Variants in SLC9A6 observed in about 807,000 individuals in gnomAD.
SLC9A6 encodes solute carrier family 9 member A6.
Under a neutral mutation model 45.3 loss-of-function variants are expected in SLC9A6, and 6 were observed. The observed-to-expected ratio is 0.13, with a 90% CI of 0.07 to 0.26. The LOEUF (loss-of-function observed/expected upper bound fraction) is 0.26, where lower values mean the gene tolerates loss of function less well. Among genes scored for constraint, SLC9A6 ranks in the 10% least tolerant of loss-of-function variants. SLC9A6 has a pLI of 1.00. For missense variants in SLC9A6, 278 were observed against 503.7 expected (o/e 0.55, Z 4.29); for synonymous variants, 191 against 187.7 (o/e 1.02, Z -0.14).
chrX:135,982,773 C>T (rs782602589), upstream of SLC9A6, among the ~76,000 whole-genome samples: 2 of 112,478 alleles, frequency 1.8e-5, no homozygotes, highest in South Asian at 3.6e-4. Context: ...CATGCCTGGC[C>T]AATTAGCTTC....
chrX:136,010,645 C>A, intron 8 of SLC9A6, 62 bp downstream of exon 8: 1 of 1,031,719 alleles, frequency 9.7e-7, no homozygotes, highest in Non-Finnish European at 1.4e-6. Context: ...ATGCTGTATT[C>A]CGTTGTTTTT....
chrX:135,974,013 G>C (rs1262228709), upstream of SLC9A6: 6 of 734,767 alleles, frequency 8.2e-6, no homozygotes, highest in Non-Finnish European at 9.3e-6. Context: ...AATGGGGGCA[G>C]GGCCAGTGGC....
Position 136,044,561 on chromosome X carries a change from C to T in SLC9A6, c.1877C>T (p.Ala626Val). The change falls in exon 18 of 18, where the codon GCC becomes GTC. Residue 626 changes from alanine (A) to valine (V), a missense_variant. Coordinates refer to ENST00000630721, the MANE Select transcript of SLC9A6 (RefSeq NM_001379110.1). ...AACACTGAACCGGCCACATCCAGCGCCCCAAGGAGATTTATGGGAAACAGT... is the reference window on the plus strand; with the variant it reads ...AACACTGAACCGGCCACATCCAGCGTCCCAAGGAGATTTATGGGAAACAGT... The part of the protein sequence containing the change: ...TVNTEPATSS[A>V]PRRFMGNSSE... 1 of 1,211,210 alleles carries T rather than the reference C, an allele frequency of 8.3e-7. No individual in the cohort carries two copies. The highest frequency in any genetic ancestry group is 1.1e-6 in the Non-Finnish European group (1 of 895,170).
chrX:135,977,718 TC>T (rs2089269233), intron 1 of SLC9A6, among the ~76,000 whole-genome samples: 1 of 111,735 alleles, frequency 8.9e-6, no homozygotes, highest in Non-Finnish European at 1.9e-5. Flanking sequence ...TTTTTTTTTT[TC>T]ATTACCAAAG....
intron 1 of SLC9A6, chrX:135,974,879 G>A: frequency 1.9e-5 from 5 of 262,951 alleles, no homozygotes; most frequent in South Asian, 1.9e-4. Flanking sequence ...AATGAAAGAG[G>A]AAATTTTAAA....
exon 1 of SLC9A6, chrX:135,974,754 C>T (rs782807382): frequency 5.3e-5 from 18 of 338,008 alleles, no homozygotes; most frequent in Non-Finnish European, 9.5e-5. Context: ...ATACTTGGCT[C>T]GCGGGAAGTG....
chrX:135,992,270 A>G lies in SLC9A6; in HGVS notation c.170-2516A>G, dbSNP rs894218781. Among the ~76,000 whole-genome samples, 6 of 111,063 alleles carry G rather than the reference A, an allele frequency of 5.4e-5. No individual in the cohort carries two copies. The Admixed American group carries it at 5.8e-4, about 11-fold the overall frequency. On this transcript the variant is annotated intron_variant, in intron 2 of 17. Transcript: ENST00000630721. The stretch of plus-strand genomic sequence containing the variant: ...AGTCACTAAATCTTCCTAAAATATA[A>G]TACCTTCAAAAAATCCTTCTCGCCT...
upstream of SLC9A6, chrX:135,973,883 C>A: frequency 8.7e-7 from 1 of 1,153,291 alleles, no homozygotes; most frequent in East Asian, 3.3e-5. Flanking sequence ...GAAAAAGGTC[C>A]GCGAGAACCC....
At chrX:136,004,710 C>T (rs1363687661) in intron 7 of SLC9A6, among the ~76,000 whole-genome samples, 2 of 111,749 alleles carry the variant, frequency 1.8e-5, no homozygotes, top group African/African-American at 3.3e-5. Flanking sequence ...TACCCCCTCC[C>T]CACCATATTT....
Position 135,998,934 on chromosome X carries a change from A to C in SLC9A6, c.603A>C (p.Leu201=). The part of the protein sequence containing the change: ...LAGDFYFTDC[L]LFGAIVSATD... The stretch of plus-strand genomic sequence containing the variant: ...GAGATTTTTACTTTACAGATTGCCT[A>C]CTGTTTGGTGCCATTGTATCAGCAA... Residue 201 remains leucine, a synonymous_variant, in exon 6 of 18, where the codon CTA becomes CTC. Coordinates refer to ENST00000630721, the MANE Select transcript of SLC9A6 (RefSeq NM_001379110.1). The C allele has an allele frequency of 8.3e-7, 1 of 1,203,471 alleles. No homozygotes were observed. Among genetic ancestry groups the C allele is most frequent in the Non-Finnish European group, 1.1e-6 (1 of 888,074 alleles).
intron 3 of SLC9A6, among the ~76,000 whole-genome samples, chrX:135,997,642 A>G (rs1569524295): frequency 9.6e-6 from 1 of 103,824 alleles, no homozygotes; most frequent in Non-Finnish European, 1.9e-5. Flanking sequence ...TCTTGGCTTC[A>G]GGTGATCCGC....
In SLC9A6 at chrX:135,998,084, T is replaced by C. The variant is rs368285746; in HGVS notation, c.370-24T>C. On this transcript the variant is annotated intron_variant, in intron 3 of 17. Coordinates refer to ENST00000630721, the MANE Select transcript of SLC9A6 (RefSeq NM_001379110.1). ...TATGAGGTCTTCTAGGGAATTGATC[T>C]AAAATAACTCTTTATTTTAACAGGT... 71 of 840,136 alleles carry C rather than the reference T, an allele frequency of 8.5e-5. No homozygotes were observed. The African/African-American group carries it at 1.3e-3, about 16-fold the overall frequency. The allele number at this position is 840,136 out of a possible 1,213,427, so 69.2% of individuals were successfully genotyped here. A position where few individuals can be genotyped will look rare whatever the true frequency, so the allele number is the denominator to read the frequency against.
chrX:136,026,291 G>C (rs1168797278), intron 13 of SLC9A6, among the ~76,000 whole-genome samples: 3 of 111,628 alleles, frequency 2.7e-5, no homozygotes, highest in Non-Finnish European at 5.6e-5. Context: ...TTGGCTTTGA[G>C]TTCTTGCCCC....
At chrX:135,990,376 G>A (rs960107054) in intron 2 of SLC9A6, among the ~76,000 whole-genome samples, 2 of 111,752 alleles carry the variant, frequency 1.8e-5, no homozygotes, top group Non-Finnish European at 3.8e-5. Flanking sequence ...GAGGCTAGAA[G>A]TTTCTGCTTT....
At chrX:136,030,085 A>AT in intron 14 of SLC9A6, 47 bp from the exon 15 acceptor site, 1 of 1,183,319 alleles carries the variant, frequency 8.5e-7, no homozygotes, top group South Asian at 1.8e-5. Flanking sequence ...TGAATAGACC[A>AT]TTTTTTGGCT....
chrX:135,985,898 C>G, intron 2 of SLC9A6, 71 bp downstream of exon 2: 2 of 1,122,910 alleles, frequency 1.8e-6, no homozygotes, highest in Non-Finnish European at 2.4e-6. Flanking sequence ...TTCGCCTCCT[C>G]TGCTGGCCCT....
At chrX:135,992,475 C>G (rs1339568629) in intron 2 of SLC9A6, among the ~76,000 whole-genome samples, 3 of 111,725 alleles carry the variant, frequency 2.7e-5, no homozygotes, top group Admixed American at 9.5e-5. Context: ...TTCAAATTCC[C>G]TTCCCCAACA....
intron 7 of SLC9A6, chrX:136,010,230 C>CCA (rs1232816079): frequency 3.0e-6 from 1 of 330,387 alleles, no homozygotes; most frequent in African/African-American, 2.8e-5. Flanking sequence ...TTCTACCCCC[C>CCA]CCCCGAAATT....
chrX:135,994,620 G>A (rs145066140), intron 2 of SLC9A6, among the ~76,000 whole-genome samples, 166 bp from the exon 3 acceptor site: 73 of 111,853 alleles, frequency 6.5e-4, no homozygotes, highest in Non-Finnish European at 1.2e-3. Context: ...GCTGTTTGTT[G>A]TATGAATTTA....
Sources: allele counts gnomAD v4.1 joint callset (sites outside exome capture counted in the v4.1 genomes callset), GRCh38; gene constraint gnomAD v4.1.1; transcripts MANE v1.5; gene names NCBI Gene and HGNC (gene_info 2026-07-23, HGNC 2026-07-21).